Variants in USO1 observed in about 807,000 individuals in gnomAD.
USO1 encodes the protein general vesicular transport factor p115.
A neutral mutation model predicts 124.5 loss-of-function variants in USO1; 57 were observed. The observed-to-expected ratio is 0.46, with a 90% confidence interval of 0.37 to 0.57. The LOEUF is 0.57. Among genes scored for constraint, USO1 ranks in the 20% least tolerant of loss-of-function variants. USO1 has a pLI of 0.00. For missense variants in USO1, 900 were observed against 1,040.6 expected, an observed-to-expected ratio of 0.86 and a Z score of 1.86; for synonymous variants, 369 against 362.8, an observed-to-expected ratio of 1.02 and a Z score of -0.19.
At chr4:75,773,108 T>A (rs1246072691) in intron 7 of USO1, among the ~76,000 whole-genome samples, 8 of 151,956 alleles carry the variant, frequency 5.3e-5, no homozygotes, top group Non-Finnish European at 8.8e-5. Flanking sequence ...CAAAAAAAAA[T>A]AATAATAATA....
At chr4:75,758,913 C>T (rs1577941812) in intron 4 of USO1, among the ~76,000 whole-genome samples, 3 of 152,208 alleles carry the variant, frequency 2.0e-5, no homozygotes, top group African/African-American at 7.2e-5. Flanking sequence ...CTTATTTTCC[C>T]TAGTTATTTC....
chr4:75,745,049 C>G (rs1721083863), intron 1 of USO1: 1 of 348,298 alleles, frequency 2.9e-6, no homozygotes, highest in Non-Finnish European at 5.6e-6. Context: ...AATCTTTGCC[C>G]ACTGCCATCA....
intron 8 of USO1, among the ~76,000 whole-genome samples, chr4:75,776,798 A>G (rs1722083312): frequency 6.6e-6 from 1 of 152,164 alleles, no homozygotes; most frequent in Non-Finnish European, 1.5e-5. Flanking sequence ...GTTCCTCAGT[A>G]GGAGGTGAGG....
At chr4:75,804,808 T>G (rs573653538) in intron 18 of USO1, among the ~76,000 whole-genome samples, 11 of 152,346 alleles carry the variant, frequency 7.2e-5, no homozygotes, top group African/African-American at 2.6e-4. Context: ...TTAAATAGTA[T>G]TATCCTACGG....
At chr4:75,759,894 G>A (rs1721554680) in intron 4 of USO1, among the ~76,000 whole-genome samples, 2 of 146,042 alleles carry the variant, frequency 1.4e-5, no homozygotes, top group South Asian at 4.3e-4. Context: ...CTGGGCAACA[G>A]AACAAGACTC....
Position 75,803,167 on chromosome 4 carries a change from A to T in USO1, c.1987-967A>T, listed in dbSNP as rs538264917. The stretch of plus-strand genomic sequence containing the variant: ...GCAACCTTAGCATCAAAAACATTGA[A>T]TATAAATTGTATTGCATCTACTTAA... On this transcript the variant is annotated intron_variant, in intron 17 of 23. Transcript: ENST00000514213. 2.0e-5 allele frequency among the ~76,000 whole-genome samples: 3 copies of T among 151,780 alleles called. No individual in the cohort carries two copies. The East Asian group carries it at 5.8e-4, about 29-fold the overall frequency.
At chr4:75,753,717 T>C (rs913022904) in intron 3 of USO1, among the ~76,000 whole-genome samples, 9 of 151,656 alleles carry the variant, frequency 5.9e-5, no homozygotes, top group Non-Finnish European at 1.0e-4. Context: ...GACCTTGTCT[T>C]GACAAAATAA....
At chr4:75,739,996 G>T (rs530012098) in intron 1 of USO1, among the ~76,000 whole-genome samples, 1 of 152,120 alleles carries the variant, frequency 6.6e-6, no homozygotes, top group African/African-American at 2.4e-5. Flanking sequence ...TTATAGTGCT[G>T]TTGGCCATGA....
chr4:75,795,724 C>G (rs2149185385), intron 13 of USO1, among the ~76,000 whole-genome samples: 1 of 152,020 alleles, frequency 6.6e-6, no homozygotes, highest in Non-Finnish European at 1.5e-5. Context: ...AGAATTTTGT[C>G]TTTAATTAAT....
At chr4:75,733,729 A>T (rs1347923119) in intron 1 of USO1, among the ~76,000 whole-genome samples, 1 of 152,132 alleles carries the variant, frequency 6.6e-6, no homozygotes, top group Non-Finnish European at 1.5e-5. Flanking sequence ...CCTTTGTCAG[A>T]TGCATGGTTT....
At chr4:75,793,085 G>T (rs1170380268) in intron 12 of USO1, among the ~76,000 whole-genome samples, 1 of 150,936 alleles carries the variant, frequency 6.6e-6, no homozygotes, top group Non-Finnish European at 1.5e-5. Flanking sequence ...AGATCTCATT[G>T]TTTTGTATGG....
intron 23 of USO1, 76 bp from the exon 24 acceptor site, chr4:75,813,130 C>G: frequency 7.1e-7 from 1 of 1,409,464 alleles, no homozygotes; most frequent in Non-Finnish European, 9.3e-7. Context: ...AAAAAATTAT[C>G]AGTAGTATAT....
chr4:75,757,659 GTT>G (rs1462208236), intron 4 of USO1, 86 bp downstream of exon 4: 1 of 1,231,002 alleles, frequency 8.1e-7, no homozygotes, highest in African/African-American at 1.6e-5. Context: ...AGTTGGACTT[GTT>G]TTATAAATGT....
intron 1 of USO1, chr4:75,745,352 G>A (rs750255722): frequency 5.8e-6 from 3 of 519,986 alleles, no homozygotes; most frequent in East Asian, 1.1e-4. Flanking sequence ...GTGTTTAGTA[G>A]ACAGTTGTGC....
chr4:75,801,427 G>A (rs1408529780), intron 17 of USO1, among the ~76,000 whole-genome samples: 6 of 152,068 alleles, frequency 3.9e-5, no homozygotes, highest in Non-Finnish European at 8.8e-5. Context: ...CTACAATTGC[G>A]GAATCATCAG....
At chr4:75,785,661 C>T (rs532604378) in intron 9 of USO1, among the ~76,000 whole-genome samples, 1 of 151,842 alleles carries the variant, frequency 6.6e-6, no homozygotes, top group South Asian at 2.1e-4. Flanking sequence ...ATAAATATTC[C>T]CTTTTTCTTT....
At chr4:75,735,640 C>T (rs1720768004) in intron 1 of USO1, among the ~76,000 whole-genome samples, 1 of 152,132 alleles carries the variant, frequency 6.6e-6, no homozygotes, top group Admixed American at 6.6e-5. Context: ...CCCACCTCAG[C>T]CTCCTAAGTA....
chr4:75,813,329 C>T lies in USO1; in HGVS notation c.*34C>T, dbSNP rs773270655. 1 of 1,523,474 alleles carries T rather than the reference C, an allele frequency of 6.6e-7. No homozygotes were observed. 94.4% of individuals were successfully genotyped at this position (1,523,474 alleles called of 1,614,324 possible). A position where few individuals can be genotyped will look rare whatever the true frequency, so the allele number is the denominator to read the frequency against. ...TCTCTAGGAACAATAGAGATTATAT[C>T]ATAACTCTGAAGATGGACTCTAAAC... On this transcript the variant is annotated 3_prime_UTR_variant, in exon 24 of 24. Transcript: ENST00000514213.
intron 4 of USO1, among the ~76,000 whole-genome samples, chr4:75,768,884 A>G (rs1478537063): frequency 1.3e-5 from 2 of 152,248 alleles, no homozygotes; most frequent in African/African-American, 4.8e-5. Context: ...GTATTTATCC[A>G]GCTTCTTACT....
Sources: gnomAD v4.1 joint callset for allele counts (sites outside exome capture counted in the v4.1 genomes callset) on GRCh38, gnomAD v4.1.1 for gene constraint, MANE v1.5 for transcripts, NCBI Gene and HGNC (gene_info 2026-07-23, HGNC 2026-07-21) for gene names.